The following HTRA3 variants were observed in gnomAD, a reference collection of about 807,000 sequenced individuals.
HTRA3 encodes HtrA serine peptidase 3, also known as serine protease HTRA3.
A neutral mutation model predicts 43.2 loss-of-function variants in HTRA3; 41 were observed. The ratio of observed to expected loss-of-function variants is 0.95; its 90% CI spans 0.74 to 1.23. The LOEUF is 1.23. HTRA3 is among the 50% of genes most tolerant of loss of function. The pLI, the probability that HTRA3 is intolerant of heterozygous loss-of-function variation, is 0.00. For synonymous variants in HTRA3, 295 were observed against 287.9 expected, an observed-to-expected ratio of 1.02 and a Z score of -0.25; for missense variants, 628 against 647.1, an observed-to-expected ratio of 0.97 and a Z score of 0.32.
chr4:8,288,178 C>A (rs1329875981), intron 3 of HTRA3, among the ~76,000 whole-genome samples: 4 of 152,216 alleles, frequency 2.6e-5, no homozygotes, highest in Non-Finnish European at 5.9e-5. Flanking sequence ...GCTTTTCAGA[C>A]TTTTCACGGT....
intron 5 of HTRA3, among the ~76,000 whole-genome samples, chr4:8,293,515 C>T (rs1713322677): frequency 6.6e-6 from 1 of 152,150 alleles, no homozygotes; most frequent in African/African-American, 2.4e-5. Context: ...ATAAGCCAGG[C>T]TGTGGGGTGG....
chr4:8,306,288 A>G lies in HTRA3; in HGVS notation c.*152A>G. 2 of 799,996 alleles carry G rather than the reference A, an allele frequency of 2.5e-6. No homozygotes were observed. Among genetic ancestry groups the G allele is most frequent in the Admixed American group, 3.3e-5 (1 of 29,950 alleles). The allele number at this position is 799,996 out of a possible 1,614,324, so 49.6% of individuals were successfully genotyped here. A position where few individuals can be genotyped will look rare whatever the true frequency, so the allele number is the denominator to read the frequency against. On this transcript the variant is annotated 3_prime_UTR_variant, in exon 9 of 9. Transcript: ENST00000307358. The surrounding 1 kb of genome is among the most constrained non-coding windows in gnomAD (Gnocchi z 8.9). ...GGCAGAGCGGAGGCTGGGCTTGGCC[A>G]GGGGCCCGAATTTCCGCCTGGGGAG... is the stretch of plus-strand genomic sequence containing the variant.
chr4:8,281,777 C>T (rs938304712), intron 1 of HTRA3, among the ~76,000 whole-genome samples: 2 of 152,214 alleles, frequency 1.3e-5, no homozygotes, highest in East Asian at 1.9e-4. Flanking sequence ...AATCTGAGCC[C>T]GGGAAGGGTC....
chr4:8,303,928 C>A (rs1469006422), intron 7 of HTRA3, among the ~76,000 whole-genome samples: 1 of 152,204 alleles, frequency 6.6e-6, no homozygotes, highest in African/African-American at 2.4e-5. Flanking sequence ...ATCCATCCAT[C>A]CTCCCGCCCC....
intron 6 of HTRA3, among the ~76,000 whole-genome samples, chr4:8,301,274 TTTATTA>T (rs573341514): frequency 2.7e-5 from 4 of 148,494 alleles, no homozygotes; most frequent in Non-Finnish European, 5.9e-5. Flanking sequence ...CACACTCATC[TTTATTA>T]TTGAGTCACA....
chr4:8,273,716 G>A (rs1712399139), intron 1 of HTRA3, among the ~76,000 whole-genome samples: 3 of 151,974 alleles, frequency 2.0e-5, no homozygotes, highest in African/African-American at 4.8e-5. Context: ...GGGGAGCCTC[G>A]ATCCCCTCCG....
chr4:8,294,621 C>T (rs1373787262), intron 6 of HTRA3, among the ~76,000 whole-genome samples: 4 of 2,766 alleles, frequency 1.4e-3, no homozygotes, highest in East Asian at 0.025. Flanking sequence ...TCCATCCATC[C>T]ATCCATCCAT....
At position 8,270,026 on chromosome 4, in the gene HTRA3, C is replaced by A; in HGVS notation, c.58C>A (p.Pro20Thr). The change falls in exon 1 of 9, where the codon CCC (proline) becomes ACC (threonine). Residue 20 changes from proline (P) to threonine (T), a missense_variant. Physicochemically the swap from Pro to Thr is conservative, Grantham distance 38. Coordinates refer to ENST00000307358, the MANE Select transcript of HTRA3 (RefSeq NM_053044.5). ...GGCCGCGCTGGCGCTGGCCCGGGAG[C>A]CCCCTGCGGCGCCGTGTCCCGCGCG... The part of the protein sequence containing the change: ...ALAALALARE[P>T]PAAPCPARCD... The A allele has an allele frequency of 7.5e-7, 1 of 1,335,938 alleles. No individual in the cohort carries two copies. The highest frequency in any genetic ancestry group is 9.5e-7 in the Non-Finnish European group (1 of 1,049,372). 82.8% of individuals were successfully genotyped at this position (1,335,938 alleles called of 1,614,324 possible).
chr4:8,297,435 T>C lies in HTRA3; in HGVS notation c.1051+3234T>C, dbSNP rs4583740. ...ATGCTGGCTCTGTGTCTTGGACTCC[T>C]GTGAGCCAGAGGTCCTGCCCTCCCG... On this transcript the variant is annotated intron_variant, in intron 6 of 8. Coordinates refer to ENST00000307358, the MANE Select transcript of HTRA3 (RefSeq NM_053044.5). This position sits in a 1 kb window ranked among gnomAD's most constrained non-coding sequence, Gnocchi z 5.8. Among the ~76,000 whole-genome samples, 37,204 of 151,988 alleles carry C rather than the reference T, an allele frequency of 0.24. 4,763 individuals are homozygous for C. Among genetic ancestry groups the C allele is most frequent in the South Asian group, 0.38 (1,849 of 4,818 alleles).
At chr4:8,278,436 C>T (rs368216075) in intron 1 of HTRA3, among the ~76,000 whole-genome samples, 25 of 150,552 alleles carry the variant, frequency 1.7e-4, no homozygotes, top group African/African-American at 5.8e-4. Context: ...TTGAGACTGA[C>T]TGTTGACTTC....
Position 8,291,399 on chromosome 4 carries a change from C to T in HTRA3, c.738C>T (p.His246=). 1.2e-6 allele frequency: 2 copies of T among 1,613,584 alleles called. No homozygotes were observed. The highest frequency in any genetic ancestry group is 1.7e-6 in the Non-Finnish European group (2 of 1,180,022). Residue 246 remains histidine (H), a synonymous_variant, in exon 4 of 9, where the codon CAC becomes CAT. Coordinates refer to ENST00000307358, the MANE Select transcript of HTRA3 (RefSeq NM_053044.5). ...AGCTCCCTGTGTTGTTGCTGGGTCACTCGGCCGACCTGCGGCCTGGGGAGT... is the reference window on the plus strand; with the variant it reads ...AGCTCCCTGTGTTGTTGCTGGGTCATTCGGCCGACCTGCGGCCTGGGGAGT... ...KKKLPVLLLG[H]SADLRPGEFV... is the part of the protein sequence containing the mutation.
chr4:8,302,212 G>T (rs1464241806), intron 6 of HTRA3, among the ~76,000 whole-genome samples: 1 of 152,192 alleles, frequency 6.6e-6, no homozygotes, highest in Non-Finnish European at 1.5e-5. Context: ...ATGGTTGGAT[G>T]CAGGATGCGG....
chr4:8,277,692 G>A (rs547314876), intron 1 of HTRA3, among the ~76,000 whole-genome samples: 11 of 152,346 alleles, frequency 7.2e-5, no homozygotes, highest in East Asian at 1.9e-4. Flanking sequence ...GTGGCAGCAC[G>A]TGAGGCTGCA....
intron 8 of HTRA3, 110 bp from the exon 9 acceptor site, chr4:8,305,861 T>G: frequency 8.1e-7 from 1 of 1,233,942 alleles, no homozygotes; most frequent in Non-Finnish European, 1.2e-6. Flanking sequence ...TCGAGATGAC[T>G]TTTGTTGAAA....
Position 8,304,656 on chromosome 4 carries a change from T to G in HTRA3, c.1196+377T>G, listed in dbSNP as rs1185636011. Among the ~76,000 whole-genome samples, 67 of 130,442 alleles carry G rather than the reference T, an allele frequency of 5.1e-4. 1 individual carries two copies. In the Middle Eastern group the frequency reaches 0.011, roughly 21 times the overall value. The allele number at this position is 130,442 out of a possible 152,430, so 85.6% of individuals were successfully genotyped here. ...ATTCAGCCTATTGTTTTTTTTTTTT[T>G]TTTTTTTTTTTTTTTTTTGAGACAG... On this transcript the variant is annotated intron_variant, in intron 8 of 8. Transcript: ENST00000307358.
chr4:8,272,258 T>C (rs1187165928), intron 1 of HTRA3, among the ~76,000 whole-genome samples: 1 of 152,128 alleles, frequency 6.6e-6, no homozygotes, highest in Non-Finnish European at 1.5e-5. Flanking sequence ...CCCAGGCTGG[T>C]GACAGGGCAC....
At chr4:8,278,066 A>G (rs1194548721) in intron 1 of HTRA3, among the ~76,000 whole-genome samples, 1 of 152,190 alleles carries the variant, frequency 6.6e-6, no homozygotes, top group African/African-American at 2.4e-5. Context: ...GCCTGGAGTT[A>G]CGCAGTGTAC....
chr4:8,305,198 C>G (rs556681330), intron 8 of HTRA3, among the ~76,000 whole-genome samples: 1 of 152,218 alleles, frequency 6.6e-6, no homozygotes, highest in African/African-American at 2.4e-5. Flanking sequence ...GTTCAAGGGC[C>G]GACTGTACTG....
In HTRA3 at chr4:8,286,430, A is replaced by C; in HGVS notation, c.486-131A>C. The C allele has an allele frequency of 1.3e-6, 1 of 749,174 alleles. No homozygotes were observed. The highest frequency in any genetic ancestry group is 2.5e-5 in the East Asian group (1 of 40,048). 46.4% of individuals were successfully genotyped at this position (749,174 alleles called of 1,614,324 possible). A position where few individuals can be genotyped will look rare whatever the true frequency, so the allele number is the denominator to read the frequency against. On this transcript the variant is annotated intron_variant, in intron 2 of 8. Coordinates refer to ENST00000307358, the MANE Select transcript of HTRA3 (RefSeq NM_053044.5). This position sits in a 1 kb window ranked among gnomAD's most constrained non-coding sequence, Gnocchi z 4.9. ...GGGCCAGGATTCAAATGGGAGCTTG[A>C]GGGACTCCAGACCTGTGTTCTGTCA...
Sources: gnomAD v4.1 joint callset for allele counts (sites outside exome capture counted in the v4.1 genomes callset) on GRCh38, gnomAD v4.1.1 for gene constraint, Gnocchi (gnomAD v3.1) non-coding constraint, MANE v1.5 for transcripts, NCBI Gene and HGNC (gene_info 2026-07-23, HGNC 2026-07-21) for gene names.